The following SYN3 variants were observed in gnomAD, a reference collection of about 807,000 sequenced individuals.
SYN3 encodes synapsin III.
SYN3 carries 35 observed loss-of-function variants against 65.8 expected under a neutral mutation model. The ratio of observed to expected loss-of-function variants is 0.53; its 90% CI spans 0.41 to 0.70. The LOEUF (loss-of-function observed/expected upper bound fraction) is 0.70. Ranked by LOEUF, SYN3 falls within the 30% of genes least tolerant of loss-of-function variation. SYN3 has a pLI of 0.00. For synonymous variants in SYN3, 270 were observed against 292.9 expected, an observed-to-expected ratio of 0.92 and a Z score of 0.80; for missense variants, 680 against 749.0, an observed-to-expected ratio of 0.91 and a Z score of 1.08.
Position 32,538,117 on chromosome 22 carries a change from C to T in SYN3, c.918-7G>A. ...CCCAGAGATGGAGGTTCTCCTGTAC[C>T]AGAACAAACAACACATTGAGGGAAT... On this transcript the variant is annotated splice_region_variant and splice_polypyrimidine_tract_variant and intron_variant, in intron 8 of 13. Coordinates refer to ENST00000358763, the MANE Select transcript of SYN3 (RefSeq NM_003490.4). 6.2e-7 allele frequency: 1 copy of T among 1,613,958 alleles called. No homozygotes were observed. Among genetic ancestry groups the T allele is most frequent in the South Asian group, 1.1e-5 (1 of 91,078 alleles).
intron 7 of SYN3, among the ~76,000 whole-genome samples, chr22:32,585,088 C>G (rs1159918372): frequency 1.3e-5 from 2 of 152,190 alleles, no homozygotes; most frequent in Non-Finnish European, 2.9e-5. Flanking sequence ...CTTGGCACCT[C>G]TATAAAACAG....
chr22:32,557,386 T>C (rs903472555), intron 7 of SYN3, among the ~76,000 whole-genome samples: 8 of 152,326 alleles, frequency 5.3e-5, no homozygotes, highest in African/African-American at 1.9e-4. Context: ...ATTATGGAGA[T>C]TAACCTGCAA....
At chr22:32,994,000 CG>C (rs2052803125) in intron 2 of SYN3, among the ~76,000 whole-genome samples, 1 of 152,008 alleles carries the variant, frequency 6.6e-6, no homozygotes, top group South Asian at 2.1e-4. Context: ...TCCACTAGGG[CG>C]GGGGTAACAA....
chr22:32,851,934 A>T (rs1188601781), intron 6 of SYN3, among the ~76,000 whole-genome samples: 1 of 152,190 alleles, frequency 6.6e-6, no homozygotes, highest in Non-Finnish European at 1.5e-5. Context: ...TAGTCCGTCC[A>T]TCCATCCTCT....
At chr22:32,606,787 G>T (rs1042493442) in intron 6 of SYN3, among the ~76,000 whole-genome samples, 1 of 150,234 alleles carries the variant, frequency 6.7e-6, no homozygotes, top group Non-Finnish European at 1.5e-5. Flanking sequence ...TCTTCATTCA[G>T]CCAACTCTTT....
intron 3 of SYN3, among the ~76,000 whole-genome samples, chr22:32,974,349 C>T (rs1368398510): frequency 6.6e-6 from 1 of 152,148 alleles, no homozygotes; most frequent in Non-Finnish European, 1.5e-5. Context: ...GATAACAGTG[C>T]CTACTTCACC....
intron 6 of SYN3, chr22:32,858,151 G>A (rs1469822848): frequency 6.2e-7 from 1 of 1,612,180 alleles, no homozygotes; most frequent in South Asian, 1.1e-5. Flanking sequence ...AAGCTCTGGG[G>A]TCACTGGGGG....
At chr22:32,592,018 A>G (rs2059134683) in intron 7 of SYN3, among the ~76,000 whole-genome samples, 1 of 152,186 alleles carries the variant, frequency 6.6e-6, no homozygotes, top group African/African-American at 2.4e-5. Context: ...CCCAAAGTTC[A>G]AGGGCACTGT....
chr22:32,565,578 G>C (rs1236007346), intron 7 of SYN3, among the ~76,000 whole-genome samples: 1 of 150,508 alleles, frequency 6.6e-6, no homozygotes. Flanking sequence ...ATTCAGTGGT[G>C]CGATCCTAGC....
chr22:32,787,016 T>A (rs2046211236), intron 6 of SYN3, among the ~76,000 whole-genome samples: 1 of 151,582 alleles, frequency 6.6e-6, no homozygotes, highest in South Asian at 2.1e-4. Flanking sequence ...TACTTCAGCA[T>A]CCCGAATGTG....
rs2057810642 is a variant in SYN3 at position 32,518,164 on chromosome 22, T to C, written c.1489A>G (p.Asn497Asp). Reference sequence around the variant, plus strand: ...GTGGCACCTGGCTTGGAGGCCTGGTTTGGGGAGCTGCCACTGGATGCCCGG... The same window carrying C: ...GTGGCACCTGGCTTGGAGGCCTGGTCTGGGGAGCTGCCACTGGATGCCCGG... Reference protein sequence around the residue: ...LSRASSGSSPNQASKPGATLA... With the variant: ...LSRASSGSSPDQASKPGATLA... The change falls in exon 13 of 14, where the codon AAC (asparagine) becomes GAC (aspartate). Residue 497 changes from asparagine (N) to aspartate (D), a missense_variant. Asn to Asp is a conservative substitution (Grantham distance 23). Coordinates refer to ENST00000358763, the MANE Select transcript of SYN3 (RefSeq NM_003490.4). 2 of 1,613,146 alleles carry C rather than the reference T, an allele frequency of 1.2e-6. No homozygotes were observed. The highest frequency in any genetic ancestry group is 2.2e-5 in the South Asian group (2 of 90,900).
At chr22:32,998,568 C>T (rs537824080) in intron 2 of SYN3, among the ~76,000 whole-genome samples, 5 of 152,120 alleles carry the variant, frequency 3.3e-5, no homozygotes, top group African/African-American at 1.2e-4. Flanking sequence ...CCAGGGAGGA[C>T]CGCAGTGACC....
At chr22:32,928,784 A>C (rs1313736993) in intron 4 of SYN3, among the ~76,000 whole-genome samples, 1 of 152,120 alleles carries the variant, frequency 6.6e-6, no homozygotes, top group Non-Finnish European at 1.5e-5. Context: ...TGAGATTCTG[A>C]TTAAATGAAT....
chr22:32,886,480 A>G (rs1030150507), intron 4 of SYN3, among the ~76,000 whole-genome samples: 2 of 152,216 alleles, frequency 1.3e-5, no homozygotes, highest in African/African-American at 4.8e-5. Context: ...CCTCATCGGT[A>G]AAAAGGGGAT....
intron 6 of SYN3, chr22:32,635,056 T>G (rs1000253117): frequency 2.6e-5 from 4 of 152,216 alleles, no homozygotes; most frequent in African/African-American, 9.7e-5. Flanking sequence ...CCCGGTCTAC[T>G]GGGAGAACCC....
chr22:32,680,408 A>G (rs2060507365), intron 6 of SYN3, among the ~76,000 whole-genome samples: 1 of 152,154 alleles, frequency 6.6e-6, no homozygotes, highest in South Asian at 2.1e-4. Context: ...TCCCCAGAAG[A>G]CTGTCAACTC....
intron 6 of SYN3, among the ~76,000 whole-genome samples, chr22:32,798,686 T>C (rs77620541): frequency 0.014 from 1,026 of 72,804 alleles, 12 homozygotes; most frequent in African/African-American, 0.083. Context: ...ATCTTCATTC[T>C]TTTTTTTTTT....
At chr22:32,537,889 A>C (rs2058191469) in intron 9 of SYN3, 147 bp downstream of exon 9, 1 of 641,472 alleles carries the variant, frequency 1.6e-6, no homozygotes, top group African/African-American at 1.8e-5. Flanking sequence ...TGGGCAGTGA[A>C]GATGATCATG....
chr22:32,576,455 A>G (rs1472620947), intron 7 of SYN3, among the ~76,000 whole-genome samples: 1 of 152,224 alleles, frequency 6.6e-6, no homozygotes, highest in Non-Finnish European at 1.5e-5. Flanking sequence ...ACTACGAAGC[A>G]CAGGGCCTGG....
Sources: gnomAD v4.1 joint callset for allele counts (sites outside exome capture counted in the v4.1 genomes callset) on GRCh38, gnomAD v4.1.1 for gene constraint, MANE v1.5 for transcripts, NCBI Gene and HGNC (gene_info 2026-07-23, HGNC 2026-07-21) for gene names.